ZNF397: variants seen among roughly 807,000 people sequenced by gnomAD.
The protein encoded by ZNF397 is zinc finger protein 397.
ZNF397 carries 38 observed loss-of-function variants against 50.6 expected under a neutral mutation model. The ratio of observed to expected loss-of-function variants is 0.75; its 90% CI spans 0.58 to 0.98. ZNF397 has a LOEUF of 0.98. Among genes scored for constraint, ZNF397 ranks in the 50% least tolerant of loss-of-function variants. ZNF397 has a pLI of 0.00. For missense variants in ZNF397, 624 were observed against 624.1 expected, an observed-to-expected ratio of 1.00 and a Z score of 0.00; for synonymous variants, 228 against 215.2, an observed-to-expected ratio of 1.06 and a Z score of -0.52.
In ZNF397 at chr18:35,245,368, T is replaced by C. The variant is rs2043458321; in HGVS notation, c.663T>C (p.Asn221=). The part of the protein sequence containing the change: ...SFRGISEHES[N]LVWKQGSATG... Reference sequence around the variant, plus strand: ...GAGGAATTAGTGAGCATGAAAGCAATTTAGTGTGGAAGCAAGGAAGTGCTA... The same window carrying C: ...GAGGAATTAGTGAGCATGAAAGCAACTTAGTGTGGAAGCAAGGAAGTGCTA... Residue 221 remains asparagine, a synonymous_variant, in exon 4 of 4, where the codon AAT becomes AAC. Coordinates refer to ENST00000330501, the MANE Select transcript of ZNF397 (RefSeq NM_001135178.3). 6.2e-7 allele frequency: 1 copy of C among 1,610,358 alleles called. No homozygotes were observed. Among genetic ancestry groups the C allele is most frequent in the Non-Finnish European group, 8.5e-7 (1 of 1,177,918 alleles).
chr18:35,256,171 G>A (rs190084225), intron 5 of ZNF397: 2 of 152,538 alleles, frequency 1.3e-5, no homozygotes, highest in East Asian at 3.9e-4. Flanking sequence ...AAGACATCAA[G>A]ATTTTTATTT....
At chr18:35,252,543 A>G (rs1224605087), downstream of ZNF397, 1 of 152,154 alleles carries the variant, frequency 6.6e-6, no homozygotes, top group African/African-American at 2.4e-5. Flanking sequence ...TTTCTGCAGT[A>G]GAGAAGAGTC....
chr18:35,257,917 C>G (rs774897211), intron 5 of ZNF397: 1 of 781,092 alleles, frequency 1.3e-6, no homozygotes, highest in Admixed American at 1.7e-5. Flanking sequence ...GCTTCTCTCT[C>G]TCCATTACAG....
At chr18:35,254,759 G>C (rs1468655505), downstream of ZNF397, 1 of 308,924 alleles carries the variant, frequency 3.2e-6, no homozygotes, top group East Asian at 8.1e-5. Context: ...GGAATGATCA[G>C]GATAAAGAAA....
downstream of ZNF397, chr18:35,253,803 T>C (rs1187665436): frequency 6.2e-7 from 1 of 1,614,146 alleles, no homozygotes; most frequent in East Asian, 2.2e-5. Context: ...CCAGTGTGGA[T>C]TCTCCGATGC....
downstream of ZNF397, among the ~76,000 whole-genome samples, chr18:35,250,073 A>T (rs1330946740): frequency 6.6e-6 from 1 of 152,240 alleles, no homozygotes; most frequent in East Asian, 1.9e-4. Context: ...GACAATGGTA[A>T]ACATAACCAT....
downstream of ZNF397, among the ~76,000 whole-genome samples, chr18:35,250,223 A>C (rs1237722651): frequency 1.3e-5 from 2 of 152,354 alleles, no homozygotes; most frequent in East Asian, 3.9e-4. Context: ...CATGTATTCC[A>C]TAGCCATAAG....
Position 35,242,755 on chromosome 18 carries a change from G to GGAGCAGTTCCTGAGC in ZNF397, c.286_300dup (p.Glu96_Ser100dup). 6.2e-7 allele frequency: 1 copy of GGAGCAGTTCCTGAGC among 1,614,202 alleles called. No homozygotes were observed. Among genetic ancestry groups the GGAGCAGTTCCTGAGC allele is most frequent in the Non-Finnish European group, 8.5e-7 (1 of 1,180,042 alleles). On this transcript the variant is annotated inframe_insertion, in exon 2 of 4. Coordinates refer to ENST00000330501, the MANE Select transcript of ZNF397 (RefSeq NM_001135178.3). ...AGCAGATCTTAGAACTGCTGGTACT[G>GGAGCAGTTCCTGAGC]GAGCAGTTCCTGAGCATTCTGCCTG...
At chr18:35,253,772 CCA>C, downstream of ZNF397, 1 of 1,613,946 alleles carries the variant, frequency 6.2e-7, no homozygotes, top group African/African-American at 1.3e-5. Context: ...CCCACATTCT[CCA>C]CATTCATAAG....
At position 35,249,644 on chromosome 18, in the gene ZNF397, CTG is replaced by C. The variant is rs1301736128; in HGVS notation, c.*3338_*3339del. On this transcript the variant is annotated 3_prime_UTR_variant, in exon 4 of 4. Coordinates refer to ENST00000330501, the MANE Select transcript of ZNF397 (RefSeq NM_001135178.3). ...TTCCAGCCTGGGTGACAGAGTGAGA[CTG>C]TGTCTCAAAAAAAAAAAAAAAAAAA... 12 of 87,826 alleles carry C rather than the reference CTG, an allele frequency of 1.4e-4. No homozygotes were observed. The East Asian group carries it at 4.2e-3, about 31-fold the overall frequency. 5.4% of individuals were successfully genotyped at this position (87,826 alleles called of 1,614,324 possible). A position where few individuals can be genotyped will look rare whatever the true frequency, so the allele number is the denominator to read the frequency against.
chr18:35,253,335 G>A (rs532072888), downstream of ZNF397: 65 of 769,490 alleles, frequency 8.4e-5, no homozygotes, highest in Non-Finnish European at 1.0e-4. Flanking sequence ...TTATAGTACC[G>A]AACTGGGAGG....
chr18:35,257,959 C>A (rs752638970), exon 6 of ZNF397: 1 of 781,102 alleles, frequency 1.3e-6, no homozygotes, highest in South Asian at 1.3e-5. Flanking sequence ...GTCAATAAAT[C>A]ACCTGCACCC....
At chr18:35,255,753 T>G (rs558372186) in intron 5 of ZNF397, 1 of 154,494 alleles carries the variant, frequency 6.5e-6, no homozygotes, top group Admixed American at 6.5e-5. Flanking sequence ...TCCCCATTCC[T>G]TACCAGAAAT....
At position 35,242,655 on chromosome 18, in the gene ZNF397, C is replaced by A; in HGVS notation, c.185C>A (p.Pro62His). 6.2e-7 allele frequency: 1 copy of A among 1,614,206 alleles called. No homozygotes were observed. Among genetic ancestry groups the A allele is most frequent in the Non-Finnish European group, 8.5e-7 (1 of 1,180,038 alleles). Residue 62 changes from proline to histidine, a missense_variant, in exon 2 of 4, where the codon CCT becomes CAT. Transcript: ENST00000330501. ...QFRKFCYQET[P>H]GPREALSRLQ... ...AGAAAATTTTGCTACCAGGAGACAC[C>A]TGGGCCCCGGGAGGCTCTGAGCCGA...
chr18:35,254,742 G>A (rs1407216052), downstream of ZNF397: 1 of 326,438 alleles, frequency 3.1e-6, no homozygotes, highest in Non-Finnish European at 5.9e-6. Context: ...GGAAAAAAAA[G>A]TTAAAAGGAA....
At chr18:35,253,429 G>A, downstream of ZNF397, 1 of 1,534,168 alleles carries the variant, frequency 6.5e-7, no homozygotes, top group Non-Finnish European at 8.8e-7. Context: ...TTTCACAATT[G>A]TACAACTCTT....
chr18:35,245,668 C>G lies in ZNF397; in HGVS notation c.963C>G (p.Ala321=), dbSNP rs1366100782. The G allele has an allele frequency of 3.2e-6, 5 of 1,553,100 alleles. No homozygotes were observed. Among genetic ancestry groups the G allele is most frequent in the Non-Finnish European group, 3.5e-6 (4 of 1,147,802 alleles). The part of the protein sequence containing the change: ...KPYKCNQCGK[A]FSLRSYLIIH... Reference sequence around the variant, plus strand: ...ATAAATGTAACCAGTGTGGGAAGGCCTTTAGTTTGAGGTCCTATCTTATTA... The same window carrying G: ...ATAAATGTAACCAGTGTGGGAAGGCGTTTAGTTTGAGGTCCTATCTTATTA... Residue 321 remains alanine, a synonymous_variant, in exon 4 of 4, where the codon GCC becomes GCG. Coordinates refer to ENST00000330501, the MANE Select transcript of ZNF397 (RefSeq NM_001135178.3).
At chr18:35,256,842 T>C (rs139514164) in intron 5 of ZNF397, among the ~76,000 whole-genome samples, 281 of 152,304 alleles carry the variant, frequency 1.8e-3, no homozygotes, top group African/African-American at 6.6e-3. Context: ...GGTACAATTA[T>C]CAGCCACTGC....
At chr18:35,258,245 T>C (rs887734892) in exon 6 of ZNF397, 20 of 471,902 alleles carry the variant, frequency 4.2e-5, no homozygotes, top group Non-Finnish European at 6.9e-5. Flanking sequence ...TTCATGGCCA[T>C]GGGACCACGC....
Sources: gnomAD v4.1 joint callset for allele counts (sites outside exome capture counted in the v4.1 genomes callset) on GRCh38, gnomAD v4.1.1 for gene constraint, MANE v1.5 for transcripts, NCBI Gene and HGNC (gene_info 2026-07-23, HGNC 2026-07-21) for gene names.